Variants in CCDC178 observed in about 807,000 individuals in gnomAD.
The protein encoded by CCDC178 is coiled-coil domain containing 178.
A neutral mutation model predicts 117.4 loss-of-function variants in CCDC178; 126 were observed. The ratio of observed to expected loss-of-function variants is 1.07; its 90% confidence interval spans 0.93 to 1.24. The LOEUF is 1.24. Ranked by LOEUF, CCDC178 falls within the 50% of genes most tolerant of loss-of-function variation. The pLI is 0.00. For synonymous variants in CCDC178, 283 were observed against 313.4 expected, an observed-to-expected ratio of 0.90 and a Z score of 1.02; for missense variants, 1,030 against 986.9, an observed-to-expected ratio of 1.04 and a Z score of -0.59.
intron 12 of CCDC178, among the ~76,000 whole-genome samples, chr18:33,288,707 G>A (rs926348612): frequency 6.6e-6 from 1 of 152,102 alleles, no homozygotes; most frequent in Non-Finnish European, 1.5e-5. Context: ...GCATAAGGAA[G>A]AAAGTTAAGA....
At chr18:33,357,573 C>T (rs1447326888) in intron 6 of CCDC178, among the ~76,000 whole-genome samples, 1 of 152,192 alleles carries the variant, frequency 6.6e-6, no homozygotes, top group East Asian at 1.9e-4. Flanking sequence ...CCTGAGTTCA[C>T]ATATTTAGCT....
chr18:33,044,640 A>G (rs1477643344), intron 21 of CCDC178, among the ~76,000 whole-genome samples: 1 of 152,214 alleles, frequency 6.6e-6, no homozygotes, highest in East Asian at 1.9e-4. Flanking sequence ...AACTAAAAAT[A>G]GAGCTACCAT....
At chr18:33,096,501 A>G (rs2057546499) in intron 20 of CCDC178, among the ~76,000 whole-genome samples, 1 of 151,744 alleles carries the variant, frequency 6.6e-6, no homozygotes, top group East Asian at 1.9e-4. Context: ...AATTCCACAT[A>G]TAATAAATAA....
At chr18:33,351,726 G>A (rs558137712) in intron 7 of CCDC178, among the ~76,000 whole-genome samples, 1 of 151,860 alleles carries the variant, frequency 6.6e-6, no homozygotes, top group South Asian at 2.1e-4. Context: ...CATTGTTGTT[G>A]TTTGTTTGTA....
At chr18:33,010,155 A>C (rs73415452) in intron 21 of CCDC178, among the ~76,000 whole-genome samples, 2,450 of 152,274 alleles carry the variant, frequency 0.016, 71 homozygotes, top group African/African-American at 0.056. Context: ...TATGCATATA[A>C]AATTCAGTTT....
intron 20 of CCDC178, among the ~76,000 whole-genome samples, chr18:33,184,691 T>C (rs1316637140): frequency 6.6e-6 from 1 of 152,082 alleles, no homozygotes; most frequent in Non-Finnish European, 1.5e-5. Flanking sequence ...TTTTGTTTAA[T>C]GAATCAATTG....
chr18:33,426,156 A>G (rs1453627129), intron 2 of CCDC178, among the ~76,000 whole-genome samples: 1 of 152,170 alleles, frequency 6.6e-6, no homozygotes, highest in African/African-American at 2.4e-5. Context: ...TGATCCGCCC[A>G]CCTCAGGTTC....
intron 20 of CCDC178, among the ~76,000 whole-genome samples, chr18:33,202,169 C>T (rs1243175885): frequency 1.3e-5 from 2 of 151,658 alleles, no homozygotes; most frequent in Non-Finnish European, 2.9e-5. Flanking sequence ...CCGAGGCAGG[C>T]GATCAAGAGG....
chr18:33,270,167 T>C (rs1281785283), intron 12 of CCDC178, among the ~76,000 whole-genome samples: 1 of 150,520 alleles, frequency 6.6e-6, no homozygotes, highest in Non-Finnish European at 1.5e-5. Flanking sequence ...TGAAGACGAG[T>C]CAACTGAGAT....
At chr18:33,014,129 T>C (rs1457703924) in intron 21 of CCDC178, among the ~76,000 whole-genome samples, 2 of 152,204 alleles carry the variant, frequency 1.3e-5, no homozygotes, top group Admixed American at 6.5e-5. Flanking sequence ...CTCGTAAACC[T>C]GGAAAACCAA....
At chr18:32,956,751 T>C (rs1433734313) in intron 22 of CCDC178, 2 of 152,206 alleles carry the variant, frequency 1.3e-5, no homozygotes, top group Non-Finnish European at 2.9e-5. Flanking sequence ...GCTGTCTGCA[T>C]TGGTGCAGCG....
In CCDC178 at chr18:33,223,158, T is replaced by C. The variant is rs1474022378; in HGVS notation, c.1880A>G (p.Lys627Arg). Residue 627 changes from lysine to arginine, a missense_variant, in exon 18 of 23, where the codon AAA becomes AGA. Physicochemically the swap from Lys to Arg is conservative, Grantham distance 26 (BLOSUM62 2). Coordinates refer to ENST00000383096, the MANE Select transcript of CCDC178 (RefSeq NM_001105528.4). The stretch of plus-strand genomic sequence containing the variant: ...TTTCTTCCCCTTTTTTCGTAATTTT[T>C]TCTTTACTTTTCCCACCTTTCTTCT... ...LIRRKVGKVK[K>R]KLRKKGKKTL... 1 of 1,607,704 alleles carries C rather than the reference T, an allele frequency of 6.2e-7. No homozygotes were observed. Among genetic ancestry groups the C allele is most frequent in the South Asian group, 1.1e-5 (1 of 90,608 alleles).
chr18:33,213,733 C>T (rs1375830439), intron 19 of CCDC178, among the ~76,000 whole-genome samples: 1 of 151,888 alleles, frequency 6.6e-6, no homozygotes, highest in African/African-American at 2.4e-5. Flanking sequence ...CTTTGAAGTC[C>T]TATGGGTCTG....
chr18:33,203,327 T>A (rs767534788), intron 20 of CCDC178, among the ~76,000 whole-genome samples: 12 of 152,170 alleles, frequency 7.9e-5, no homozygotes, highest in Non-Finnish European at 1.8e-4. Context: ...GCCTTTTAAC[T>A]TTGTTTTTAA....
chr18:32,969,226 G>A (rs1292778853), intron 22 of CCDC178, among the ~76,000 whole-genome samples: 1 of 152,028 alleles, frequency 6.6e-6, no homozygotes, highest in Non-Finnish European at 1.5e-5. Context: ...ACTAGTGGGT[G>A]AGAAGGCACA....
At chr18:33,280,648 G>A (rs1259948144) in intron 12 of CCDC178, among the ~76,000 whole-genome samples, 1 of 152,026 alleles carries the variant, frequency 6.6e-6, no homozygotes, top group Non-Finnish European at 1.5e-5. Flanking sequence ...AAAGACACAT[G>A]CACACGTATG....
At chr18:33,397,841 A>AAAAGTAT (rs1373943426) in intron 3 of CCDC178, among the ~76,000 whole-genome samples, 1 of 152,186 alleles carries the variant, frequency 6.6e-6, no homozygotes, top group Non-Finnish European at 1.5e-5. Context: ...TTATAGTTAC[A>AAAAGTAT]AAAGTATAAC....
At chr18:33,147,489 T>C (rs891369807) in intron 20 of CCDC178, among the ~76,000 whole-genome samples, 1 of 151,052 alleles carries the variant, frequency 6.6e-6, no homozygotes, top group Non-Finnish European at 1.5e-5. Context: ...CAAGGGTCTC[T>C]GGTTTTCCTA....
intron 21 of CCDC178, among the ~76,000 whole-genome samples, chr18:33,078,902 C>A (rs1202434515): frequency 6.6e-6 from 1 of 152,156 alleles, no homozygotes; most frequent in Non-Finnish European, 1.5e-5. Flanking sequence ...CTACCAATAT[C>A]ATTCTTCACA....
Sources: gnomAD v4.1 joint callset for allele counts (sites outside exome capture counted in the v4.1 genomes callset) on GRCh38, gnomAD v4.1.1 for gene constraint, MANE v1.5 for transcripts, NCBI Gene and HGNC (gene_info 2026-07-23, HGNC 2026-07-21) for gene names.